CD70: variants seen among roughly 807,000 people sequenced by gnomAD.
CD70 encodes the protein CD70 antigen.
CD70 carries 6 observed loss-of-function variants against 9.0 expected under a neutral mutation model. The observed-to-expected ratio is 0.67, with a 90% CI of 0.37 to 1.32. CD70 has a LOEUF of 1.32. Among genes scored for constraint, CD70 ranks in the 40% most tolerant of loss-of-function variants. The probability of loss-of-function intolerance (pLI) is 0.02; values close to 1 mark genes in which losing one functional copy is unlikely to be tolerated. For synonymous variants in CD70, 108 were observed against 112.3 expected, an observed-to-expected ratio of 0.96 and a Z score of 0.24; for missense variants, 235 against 258.7, an observed-to-expected ratio of 0.91 and a Z score of 0.63.
intron 2 of CD70, among the ~76,000 whole-genome samples, chr19:6,587,170 A>G (rs1244039114): frequency 5.1e-5 from 7 of 137,348 alleles, no homozygotes; most frequent in South Asian, 2.5e-4. Flanking sequence ...AAGAGACAGC[A>G]TGAGAGAGAG....
chr19:6,589,360 CCTTCCTTTCTTTCTTTTTCTTTTCCTTT>C (rs1171106920), intron 2 of CD70, among the ~76,000 whole-genome samples: 2 of 148,958 alleles, frequency 1.3e-5, no homozygotes, highest in African/African-American at 5.0e-5. Context: ...TCTTTTCCTT[CCTTCCTTTCTTTCTTTTTCTTTTCCTTT>C]CTTCTTTTTA....
chr19:6,583,309 T>G (rs747854104), downstream of CD70: 4 of 698,092 alleles, frequency 5.7e-6, no homozygotes, highest in South Asian at 4.5e-5. Flanking sequence ...CTCAACGGTT[T>G]ACGCCTCTGT....
chr19:6,590,084 T>A lies in CD70; in HGVS notation c.196+19A>T. On this transcript the variant is annotated intron_variant, in intron 2 of 2. Coordinates refer to ENST00000245903, the MANE Select transcript of CD70 (RefSeq NM_001252.5). The surrounding 1 kb of genome is among the most constrained non-coding windows in gnomAD (Gnocchi z 5.3). Reference sequence around the variant, plus strand: ...CTGTGCCTCTTCTTCTCCCCGTCCCTCCACGTCCCCCGTGTTACCTGTGTG... The same window carrying A: ...CTGTGCCTCTTCTTCTCCCCGTCCCACCACGTCCCCCGTGTTACCTGTGTG... 6.2e-7 allele frequency: 1 copy of A among 1,607,658 alleles called. No individual in the cohort carries two copies. The highest frequency in any genetic ancestry group is 1.7e-5 in the Admixed American group (1 of 59,796).
At position 6,590,553 on chromosome 19, in the gene CD70, C is replaced by T. The variant is rs1157813450; in HGVS notation, c.162+288G>A. On this transcript the variant is annotated intron_variant, in intron 1 of 2. Coordinates refer to ENST00000245903, the MANE Select transcript of CD70 (RefSeq NM_001252.5). The surrounding 1 kb of genome is among the most constrained non-coding windows in gnomAD (Gnocchi z 5.3). ...CCCCACGCCCAGCCTTGTGAAGCCC[C>T]CAGCAGCCTCTGAGTCAGCCTGCCG... Among the ~76,000 whole-genome samples, 1 of 152,126 alleles carries T rather than the reference C, an allele frequency of 6.6e-6. No homozygotes were observed. Among genetic ancestry groups the T allele is most frequent in the East Asian group, 1.9e-4 (1 of 5,178 alleles).
rs373311555 is a variant in CD70 at position 6,589,937 on chromosome 19, C to T, written c.196+166G>A. Among the ~76,000 whole-genome samples, 7 of 32,264 alleles carry T rather than the reference C, an allele frequency of 2.2e-4. No homozygotes were observed. The South Asian group carries it at 0.011, about 50-fold the overall frequency. 21.2% of individuals were successfully genotyped at this position (32,264 alleles called of 152,430 possible). A position where few individuals can be genotyped will look rare whatever the true frequency, so the allele number is the denominator to read the frequency against. On this transcript the variant is annotated intron_variant, in intron 2 of 2. Transcript: ENST00000245903. Reference sequence around the variant, plus strand: ...GCCTCTCCCTCCCTCTCTGTCTTCTCTCTGTCTCCCCCTCTCCGTTTCCCT... The same window carrying T: ...GCCTCTCCCTCCCTCTCTGTCTTCTTTCTGTCTCCCCCTCTCCGTTTCCCT...
At position 6,590,534 on chromosome 19, in the gene CD70, GC is replaced by G. The variant is rs1224875543; in HGVS notation, c.162+306del. 6.6e-6 allele frequency among the ~76,000 whole-genome samples: 1 copy of G among 152,076 alleles called. No homozygotes were observed. Among genetic ancestry groups the G allele is most frequent in the African/African-American group, 2.4e-5 (1 of 41,414 alleles). On this transcript the variant is annotated intron_variant, in intron 1 of 2. Transcript: ENST00000245903. This position sits in a 1 kb window ranked among gnomAD's most constrained non-coding sequence, Gnocchi z 5.3. Reference sequence around the variant, plus strand: ...CTAGGAGGCCCCAGGAAGCCCCCACGCCCAGCCTTGTGAAGCCCCCAGCAGC... The same window carrying G: ...CTAGGAGGCCCCAGGAAGCCCCCACGCCAGCCTTGTGAAGCCCCCAGCAGC...
Position 6,586,099 on chromosome 19 carries a change from CAG to C in CD70, c.501_502del (p.Cys168HisfsTer14), listed in dbSNP as rs1215657305. The stretch of plus-strand genomic sequence containing the variant: ...CAAAAGTGTCCCAGTGAGGTTGGTG[CAG>C]AGTGTGTCCCCTCGGGCCAGGGGCG... On this transcript the variant is annotated frameshift_variant, in exon 3 of 3. Coordinates refer to ENST00000245903, the MANE Select transcript of CD70 (RefSeq NM_001252.5). LOFTEE classifies it high-confidence loss of function. The C allele has an allele frequency of 1.2e-6, 2 of 1,614,074 alleles. No homozygotes were observed. The highest frequency in any genetic ancestry group is 2.2e-5 in the East Asian group (1 of 44,886).
In CD70 at chr19:6,590,497, G is replaced by A. The variant is rs1916133810; in HGVS notation, c.162+344C>T. On this transcript the variant is annotated intron_variant, in intron 1 of 2. Transcript: ENST00000245903. The surrounding 1 kb of genome is among the most constrained non-coding windows in gnomAD (Gnocchi z 5.3). ...TCCCCCACCCGGAGCGAGTGGCTGG[G>A]GCCATCCCGTCCTAGGAGGCCCCAG... Among the ~76,000 whole-genome samples, 1 of 152,270 alleles carries A rather than the reference G, an allele frequency of 6.6e-6. No individual in the cohort carries two copies. Among genetic ancestry groups the A allele is most frequent in the South Asian group, 2.1e-4 (1 of 4,830 alleles).
intron 2 of CD70, among the ~76,000 whole-genome samples, chr19:6,588,284 C>T (rs1916073606): frequency 6.6e-6 from 1 of 152,212 alleles, no homozygotes; most frequent in Non-Finnish European, 1.5e-5. Flanking sequence ...CTGTCAACAC[C>T]TGTGGCCACC....
chr19:6,583,622 T>C (rs1421567261), downstream of CD70: 3 of 529,908 alleles, frequency 5.7e-6, no homozygotes, highest in East Asian at 5.9e-5. Flanking sequence ...GCAGTGGCAC[T>C]ATCTCAGCTC....
At chr19:6,586,539 C>T (rs761718000) in intron 2 of CD70, 134 bp from the exon 3 acceptor site, 2 of 1,021,690 alleles carry the variant, frequency 2.0e-6, no homozygotes, top group Non-Finnish European at 1.4e-6. Flanking sequence ...TGGCTCATGC[C>T]TGAAATCCTA....
At chr19:6,587,546 G>A (rs1008905876) in intron 2 of CD70, among the ~76,000 whole-genome samples, 1 of 152,178 alleles carries the variant, frequency 6.6e-6, no homozygotes, top group Non-Finnish European at 1.5e-5. Flanking sequence ...GCGCGCAAGA[G>A]AGTGCACGAG....
rs376525215 is a variant in CD70, at chr19:6,589,967, ATCTCTCCCTCCC to A, written c.196+124_196+135del. The stretch of plus-strand genomic sequence containing the variant: ...TCTCCCCCTCTCCGTTTCCCTCCCT[ATCTCTCCCTCCC>A]TCTCTCCCTCCGTCTCTGTCTGTGT... On this transcript the variant is annotated intron_variant, in intron 2 of 2. Transcript: ENST00000245903. 526 of 476,834 alleles carry A rather than the reference ATCTCTCCCTCCC, an allele frequency of 1.1e-3. 1 individual carries two copies. The African/African-American group carries it at 0.011, about 10-fold the overall frequency. The allele number at this position is 476,834 out of a possible 1,614,324, so 29.5% of individuals were successfully genotyped here.
chr19:6,587,754 G>A (rs1916060371), intron 2 of CD70, among the ~76,000 whole-genome samples: 1 of 152,066 alleles, frequency 6.6e-6, no homozygotes, highest in African/African-American at 2.4e-5. Flanking sequence ...CTGTCACCCA[G>A]GCTGGAGTGC....
At chr19:6,583,244 A>G (rs923259299), downstream of CD70, 9 of 591,734 alleles carry the variant, frequency 1.5e-5, no homozygotes, top group Non-Finnish European at 2.8e-5. Context: ...ATTTTCCTCA[A>G]CTGTTAAATA....
intron 2 of CD70, among the ~76,000 whole-genome samples, chr19:6,589,668 G>T (rs563681237): frequency 6.6e-6 from 1 of 151,906 alleles, no homozygotes; most frequent in Non-Finnish European, 1.5e-5. Flanking sequence ...GGGATTACAG[G>T]CTCCAGCAAC....
downstream of CD70, among the ~76,000 whole-genome samples, chr19:6,583,823 G>A (rs187226248): frequency 6.5e-5 from 8 of 123,778 alleles, no homozygotes; most frequent in Admixed American, 1.8e-4. Context: ...ATGGAGTTTC[G>A]CTCTTGTCAC....
In CD70 at chr19:6,586,464, G is replaced by A. The variant is rs374355941; in HGVS notation, c.197-59C>T. On this transcript the variant is annotated intron_variant, in intron 2 of 2. Coordinates refer to ENST00000245903, the MANE Select transcript of CD70 (RefSeq NM_001252.5). ...GAGGTTTAGGGAAACTGAGGCACAG[G>A]GGGTCATAGAGAAAGTCAGATATAG... The A allele has an allele frequency of 2.7e-6, 4 of 1,472,228 alleles. No individual in the cohort carries two copies. In the African/African-American group the frequency reaches 4.8e-5, roughly 17 times the overall value. 91.2% of individuals were successfully genotyped at this position (1,472,228 alleles called of 1,614,324 possible). A position where few individuals can be genotyped will look rare whatever the true frequency, so the allele number is the denominator to read the frequency against.
downstream of CD70, among the ~76,000 whole-genome samples, chr19:6,582,539 G>A (rs1172297579): frequency 6.7e-6 from 1 of 149,002 alleles, no homozygotes; most frequent in Non-Finnish European, 1.5e-5. Flanking sequence ...ACAGGCCCCG[G>A]TGTGTGATGT....
Sources: gnomAD v4.1 joint callset for allele counts (sites outside exome capture counted in the v4.1 genomes callset) on GRCh38, gnomAD v4.1.1 for gene constraint, Gnocchi (gnomAD v3.1) non-coding constraint, MANE v1.5 for transcripts, NCBI Gene and HGNC (gene_info 2026-07-23, HGNC 2026-07-21) for gene names.